SPAG16: variants seen among roughly 807,000 people sequenced by gnomAD.
SPAG16 encodes the protein sperm-associated antigen 16 protein.
A neutral mutation model predicts 80.4 loss-of-function variants in SPAG16; 86 were observed. The ratio of observed to expected loss-of-function variants is 1.07; its 90% CI spans 0.90 to 1.28. The LOEUF (loss-of-function observed/expected upper bound fraction) is 1.28. SPAG16 is among the 50% of genes most tolerant of loss of function. The probability of loss-of-function intolerance (pLI) is 0.00; values close to 1 mark genes in which losing one functional copy is unlikely to be tolerated. For synonymous variants in SPAG16, 294 were observed against 265.9 expected, an observed-to-expected ratio of 1.11 and a Z score of -1.03; for missense variants, 870 against 765.3, an observed-to-expected ratio of 1.14 and a Z score of -1.61.
Position 214,019,073 on chromosome 2 carries a change from T to TATAAACC in SPAG16, c.1527+4996_1527+4997insATAAACC, listed in dbSNP as rs57494025. Among the ~76,000 whole-genome samples, 358 of 151,942 alleles carry TATAAACC rather than the reference T, an allele frequency of 2.4e-3. 8 individuals carry two copies. Among genetic ancestry groups the TATAAACC allele is most frequent in the Admixed American group, 0.02 (306 of 15,264 alleles). ...GACTGCATGTATTTTTCTTCAAAGT[T>TATAAACC]GAAGACTATTTTATTAAAATTGAAA... On this transcript the variant is annotated intron_variant, in intron 13 of 15. Coordinates refer to ENST00000331683, the MANE Select transcript of SPAG16 (RefSeq NM_024532.5).
intron 3 of SPAG16, among the ~76,000 whole-genome samples, chr2:213,307,381 G>A (rs2062986486): frequency 8.3e-6 from 1 of 120,348 alleles, no homozygotes; most frequent in South Asian, 2.9e-4. Flanking sequence ...ACAGTCCCCA[G>A]AGTGTGATGT....
intron 10 of SPAG16, among the ~76,000 whole-genome samples, chr2:213,818,917 G>C (rs1319207933): frequency 6.6e-6 from 1 of 152,060 alleles, no homozygotes; most frequent in African/African-American, 2.4e-5. Flanking sequence ...AGCCTCCCCC[G>C]CCATGTGAAA....
chr2:214,366,846 T>A (rs1219301649), intron 15 of SPAG16, among the ~76,000 whole-genome samples: 2 of 151,526 alleles, frequency 1.3e-5, no homozygotes, highest in Non-Finnish European at 2.9e-5. Context: ...CTTGATATAG[T>A]TGAAAAAAAA....
chr2:214,409,664 A>T (rs1161256899), intron 15 of SPAG16, among the ~76,000 whole-genome samples: 2 of 152,166 alleles, frequency 1.3e-5, no homozygotes, highest in Admixed American at 6.5e-5. Flanking sequence ...TTAAAGCAGG[A>T]ATGTATATTG....
At chr2:213,726,427 C>T (rs1216197898) in intron 10 of SPAG16, among the ~76,000 whole-genome samples, 1 of 152,238 alleles carries the variant, frequency 6.6e-6, no homozygotes, top group Non-Finnish European at 1.5e-5. Context: ...CCATTCCTAT[C>T]CAAAATACTC....
At chr2:214,383,687 A>G (rs990023460) in intron 15 of SPAG16, among the ~76,000 whole-genome samples, 1 of 152,172 alleles carries the variant, frequency 6.6e-6, no homozygotes, top group African/African-American at 2.4e-5. Context: ...ACAGAATCTA[A>G]CTTGTTAAGG....
At chr2:214,400,907 A>G (rs996262417) in intron 15 of SPAG16, among the ~76,000 whole-genome samples, 6 of 152,016 alleles carry the variant, frequency 3.9e-5, no homozygotes, top group Non-Finnish European at 7.4e-5. Context: ...TTTATACTCT[A>G]TGTTTTACAC....
intron 14 of SPAG16, among the ~76,000 whole-genome samples, chr2:214,137,057 T>A (rs2125520397): frequency 6.6e-6 from 1 of 152,318 alleles, no homozygotes; most frequent in South Asian, 2.1e-4. Context: ...CTGTGTGTGA[T>A]GTTTTGATTT....
intron 10 of SPAG16, among the ~76,000 whole-genome samples, chr2:213,600,757 A>G (rs1234783304): frequency 2.0e-5 from 3 of 152,188 alleles, no homozygotes; most frequent in African/African-American, 7.2e-5. Context: ...TTTTTACCCG[A>G]GAGAAATTTT....
At chr2:213,853,928 G>T (rs1323846655) in intron 10 of SPAG16, among the ~76,000 whole-genome samples, 1 of 152,136 alleles carries the variant, frequency 6.6e-6, no homozygotes, top group Admixed American at 6.5e-5. Flanking sequence ...CGCATGCCCA[G>T]GGTCTAAAAT....
chr2:214,076,236 A>T (rs1241672745), intron 13 of SPAG16, among the ~76,000 whole-genome samples: 1 of 152,130 alleles, frequency 6.6e-6, no homozygotes, highest in Non-Finnish European at 1.5e-5. Flanking sequence ...GCTTGTTTAG[A>T]CTGATATTAA....
intron 15 of SPAG16, among the ~76,000 whole-genome samples, chr2:214,151,114 C>CCATA (rs2055954381): frequency 6.6e-6 from 1 of 151,964 alleles, no homozygotes; most frequent in Admixed American, 6.6e-5. Context: ...AAGGAACATA[C>CCATA]CATAATAAAT....
intron 8 of SPAG16, chr2:213,364,534 T>A (rs2066174421): frequency 6.5e-6 from 1 of 154,750 alleles, no homozygotes; most frequent in Non-Finnish European, 1.5e-5. Flanking sequence ...ACCATGGCTT[T>A]GGGTCTGTGG....
chr2:214,311,104 C>A (rs775716158), intron 15 of SPAG16, among the ~76,000 whole-genome samples: 1 of 151,518 alleles, frequency 6.6e-6, no homozygotes, highest in Admixed American at 6.6e-5. Flanking sequence ...GGTCACCTAT[C>A]CACTAGGGCA....
At chr2:213,771,789 A>G (rs2069264856) in intron 10 of SPAG16, among the ~76,000 whole-genome samples, 1 of 152,084 alleles carries the variant, frequency 6.6e-6, no homozygotes, top group Non-Finnish European at 1.5e-5. Context: ...TGAGATCTCT[A>G]TTCTGTTCCT....
Position 214,176,752 on chromosome 2 carries a change from T to C in SPAG16, c.1720+27486T>C, listed in dbSNP as rs1336315921. ...TTCTTTTAAAATTTTCCATGTATGC[T>C]TACTCTAGAGCAAATTCCACTAGTG... On this transcript the variant is annotated intron_variant, in intron 15 of 15. Coordinates refer to ENST00000331683, the MANE Select transcript of SPAG16 (RefSeq NM_024532.5). 2.0e-5 allele frequency among the ~76,000 whole-genome samples: 3 copies of C among 151,256 alleles called. No homozygotes were observed. The East Asian group carries it at 5.8e-4, about 29-fold the overall frequency.
intron 15 of SPAG16, among the ~76,000 whole-genome samples, chr2:214,209,696 C>T (rs1218304304): frequency 6.6e-6 from 1 of 152,126 alleles, no homozygotes; most frequent in Non-Finnish European, 1.5e-5. Context: ...TCATCAGTTA[C>T]TGGTACTGAG....
intron 9 of SPAG16, among the ~76,000 whole-genome samples, chr2:213,383,834 G>T (rs1486388971): frequency 1.3e-5 from 2 of 152,186 alleles, no homozygotes; most frequent in African/African-American, 4.8e-5. Flanking sequence ...AGAGAGTACA[G>T]TTCCCTTCAG....
intron 13 of SPAG16, among the ~76,000 whole-genome samples, chr2:214,060,289 C>A (rs1202049222): frequency 6.6e-6 from 1 of 152,002 alleles, no homozygotes; most frequent in Non-Finnish European, 1.5e-5. Flanking sequence ...GAAGAAGGAG[C>A]CAGGGATGAA....
Sources: gnomAD v4.1 joint callset for allele counts (sites outside exome capture counted in the v4.1 genomes callset) on GRCh38, gnomAD v4.1.1 for gene constraint, MANE v1.5 for transcripts, NCBI Gene and HGNC (gene_info 2026-07-23, HGNC 2026-07-21) for gene names.